RBFOX3: variants seen among roughly 807,000 people sequenced by gnomAD.
RBFOX3 encodes the protein RNA binding fox-1 homolog 3, also known as RNA binding protein fox-1 homolog 3.
Under a neutral mutation model 48.7 loss-of-function variants are expected in RBFOX3, and 17 were observed. The ratio of observed to expected loss-of-function variants is 0.35; its 90% CI spans 0.24 to 0.52. The LOEUF (loss-of-function observed/expected upper bound fraction) is 0.52. RBFOX3 is among the 20% of genes least tolerant of loss of function. The pLI, the probability that RBFOX3 is intolerant of heterozygous loss-of-function variation, is 0.94. For synonymous variants in RBFOX3, 212 were observed against 209.5 expected (o/e 1.01, Z -0.10); for missense variants, 382 against 497.5 (o/e 0.77, Z 2.21).
chr17:79,578,673 A>G (rs1164764606), intron 1 of RBFOX3, among the ~76,000 whole-genome samples: 5 of 152,248 alleles, frequency 3.3e-5, no homozygotes, highest in African/African-American at 1.2e-4. Context: ...TCTGTGGGAG[A>G]GGAACTCCCT....
the RBFOX3 span, among the ~76,000 whole-genome samples, chr17:79,647,237 C>T: frequency 1.9e-4 from 29 of 152,108 alleles, no homozygotes; most frequent in Admixed American, 7.2e-4. Context: ...ATCACTCCAC[C>T]GGTGTCGCCT....
rs1172161867 is a variant in RBFOX3 at position 79,392,098 on chromosome 17, T to C, written c.-174-84274A>G. 2.0e-5 allele frequency among the ~76,000 whole-genome samples: 3 copies of C among 152,166 alleles called. No homozygotes were observed. Among genetic ancestry groups the C allele is most frequent in the African/African-American group, 7.2e-5 (3 of 41,458 alleles). Reference sequence around the variant, plus strand: ...GCACTTCGGACCCGCTGCGGGACCTTGGGCAAACTCTTTTAGCCTCAGCAC... The same window carrying C: ...GCACTTCGGACCCGCTGCGGGACCTCGGGCAAACTCTTTTAGCCTCAGCAC... On this transcript the variant is annotated intron_variant, in intron 2 of 14. Coordinates refer to ENST00000693108, the MANE Select transcript of RBFOX3 (RefSeq NM_001350451.2). The surrounding 1 kb of genome is among the most constrained non-coding windows in gnomAD (Gnocchi z 5.0).
At chr17:79,224,306 A>G (rs1339934501) in intron 4 of RBFOX3, among the ~76,000 whole-genome samples, 3 of 152,028 alleles carry the variant, frequency 2.0e-5, no homozygotes, top group Non-Finnish European at 2.9e-5. Flanking sequence ...CCTGAAATCC[A>G]TCTCCCCCAG....
chr17:79,093,116 C>T (rs1261767843), intron 14 of RBFOX3, among the ~76,000 whole-genome samples: 3 of 152,196 alleles, frequency 2.0e-5, no homozygotes. Flanking sequence ...GCCTGCTGGG[C>T]ATAGTGTTCA....
chr17:79,658,916 A>G, the RBFOX3 span, among the ~76,000 whole-genome samples: 1 of 152,212 alleles, frequency 6.6e-6, no homozygotes, highest in Non-Finnish European at 1.5e-5. Context: ...GCACTGGGAT[A>G]GTGTAGGTTC....
intron 9 of RBFOX3, 191 bp from the exon 10 acceptor site, chr17:79,097,936 C>CCTGA (rs2075702807): frequency 1.6e-6 from 1 of 614,194 alleles, no homozygotes; most frequent in African/African-American, 1.8e-5. Flanking sequence ...TCTACTCCTT[C>CCTGA]CTGACTCTTC....
chr17:79,309,199 G>A (rs1434383893), intron 2 of RBFOX3, among the ~76,000 whole-genome samples: 6 of 152,020 alleles, frequency 3.9e-5, no homozygotes, highest in Admixed American at 1.3e-4. Context: ...AGAGCCTCAC[G>A]TGGCTTGTAT....
chr17:79,280,536 AC>A (rs1272490460), intron 3 of RBFOX3, among the ~76,000 whole-genome samples: 1 of 152,032 alleles, frequency 6.6e-6, no homozygotes, highest in East Asian at 1.9e-4. Context: ...GAGGGGCCTC[AC>A]CCCTGCCTTG....
rs1331399111 is a variant in RBFOX3, at chr17:79,551,634, G to A, written c.-320+59192C>T. ...CATCCTCCATTTGGGTCATGGGGGCGGATCCCTCATGAATGGCTTGGTGCC... is the reference window on the plus strand; with the variant it reads ...CATCCTCCATTTGGGTCATGGGGGCAGATCCCTCATGAATGGCTTGGTGCC... On this transcript the variant is annotated intron_variant, in intron 1 of 14. Transcript: ENST00000693108. 1.1e-4 allele frequency among the ~76,000 whole-genome samples: 17 copies of A among 152,174 alleles called. 1 individual carries two copies. The highest frequency in any genetic ancestry group is 2.0e-4 in the Admixed American group (3 of 15,288).
intron 4 of RBFOX3, among the ~76,000 whole-genome samples, chr17:79,163,803 T>C (rs1440633585): frequency 6.6e-6 from 1 of 152,144 alleles, no homozygotes; most frequent in Admixed American, 6.5e-5. Context: ...TCTCCTGCGT[T>C]GAGCTCCTCC....
At chr17:79,219,534 C>G (rs980251552) in intron 4 of RBFOX3, among the ~76,000 whole-genome samples, 3 of 152,170 alleles carry the variant, frequency 2.0e-5, no homozygotes, top group African/African-American at 7.2e-5. Context: ...TGCTTGGCCT[C>G]GCCTGGTACT....
intron 2 of RBFOX3, among the ~76,000 whole-genome samples, chr17:79,413,677 C>T (rs1416195598): frequency 2.0e-5 from 3 of 152,158 alleles, no homozygotes; most frequent in Admixed American, 6.5e-5. Context: ...CACACCTGGG[C>T]GATGGGCAGA....
chr17:79,468,821 A>AGGATGGATGGAT (rs201335709), intron 2 of RBFOX3, among the ~76,000 whole-genome samples: 1 of 146,592 alleles, frequency 6.8e-6, no homozygotes, highest in Non-Finnish European at 1.5e-5. Flanking sequence ...GACAGGCAGG[A>AGGATGGATGGAT]GGATGGATGG....
chr17:79,139,236 G>GC (rs144512814), intron 4 of RBFOX3, among the ~76,000 whole-genome samples: 3,475 of 151,086 alleles, frequency 0.023, 68 homozygotes, highest in East Asian at 0.084. Flanking sequence ...CAAACACAGG[G>GC]CCCCCCCCAC....
chr17:79,499,492 A>G (rs2149712028), intron 1 of RBFOX3, among the ~76,000 whole-genome samples: 1 of 152,304 alleles, frequency 6.6e-6, no homozygotes, highest in Non-Finnish European at 1.5e-5. Context: ...ATTCATCCAC[A>G]AAGAAACCCC....
intron 4 of RBFOX3, among the ~76,000 whole-genome samples, chr17:79,194,891 G>T (rs2055259877): frequency 6.6e-6 from 1 of 150,894 alleles, no homozygotes; most frequent in Non-Finnish European, 1.5e-5. Context: ...GTTACATAAA[G>T]CGTATAATTG....
chr17:79,424,464 C>T (rs34528121), intron 2 of RBFOX3, among the ~76,000 whole-genome samples: 26,034 of 152,162 alleles, frequency 0.17, 2,823 homozygotes, highest in Middle Eastern at 0.26. Context: ...ACTGAGCTCT[C>T]GACTCTCAGC....
intron 1 of RBFOX3, among the ~76,000 whole-genome samples, chr17:79,584,072 TG>T (rs2093163513): frequency 1.3e-5 from 2 of 152,112 alleles, no homozygotes; most frequent in African/African-American, 4.8e-5. Flanking sequence ...ACAAAAGGCC[TG>T]GGGCTAAGGA....
Position 79,480,789 on chromosome 17 carries a change from C to G in RBFOX3, c.-175+1665G>C, listed in dbSNP as rs2078664850. Among the ~76,000 whole-genome samples, 1 of 152,218 alleles carries G rather than the reference C, an allele frequency of 6.6e-6. No individual in the cohort carries two copies. The highest frequency in any genetic ancestry group is 1.5e-5 in the Non-Finnish European group (1 of 68,040). On this transcript the variant is annotated intron_variant, in intron 2 of 14. Transcript: ENST00000693108. The surrounding 1 kb of genome is among the most constrained non-coding windows in gnomAD (Gnocchi z 4.8). ...GCCCTTCTGTCCTGGGCAACTGCAG[C>G]CCCCACCATTCCCCGTGGTCTTAAT...
Sources: gnomAD v4.1 joint callset for allele counts (sites outside exome capture counted in the v4.1 genomes callset) on GRCh38, gnomAD v4.1.1 for gene constraint, Gnocchi (gnomAD v3.1) non-coding constraint, MANE v1.5 for transcripts, NCBI Gene and HGNC (gene_info 2026-07-23, HGNC 2026-07-21) for gene names.